Variants in PML observed in about 807,000 individuals in gnomAD.
The protein encoded by PML is protein PML.
Under a neutral mutation model 65.2 loss-of-function variants are expected in PML, and 28 were observed. The ratio of observed to expected loss-of-function variants is 0.43; its 90% CI spans 0.32 to 0.59. PML has a LOEUF of 0.59. PML is among the 20% of genes least tolerant of loss of function. PML has a pLI of 0.08. For missense variants in PML, 1,021 were observed against 1,203.4 expected, an observed-to-expected ratio of 0.85 and a Z score of 2.24; for synonymous variants, 500 against 508.8, an observed-to-expected ratio of 0.98 and a Z score of 0.23.
intron 3 of PML, among the ~76,000 whole-genome samples, chr15:74,024,432 G>A (rs1254424401): frequency 6.6e-6 from 1 of 152,154 alleles, no homozygotes; most frequent in African/African-American, 2.4e-5. Flanking sequence ...GCAGAGAGAA[G>A]GGTTATTTTA....
chr15:74,012,024 G>A (rs2070356122), intron 2 of PML, among the ~76,000 whole-genome samples: 1 of 152,194 alleles, frequency 6.6e-6, no homozygotes, highest in Admixed American at 6.5e-5. Flanking sequence ...TTTAAGCAAT[G>A]TTGAACTTAA....
At chr15:74,001,306 T>C (rs1244685144) in intron 2 of PML, among the ~76,000 whole-genome samples, 1 of 152,052 alleles carries the variant, frequency 6.6e-6, no homozygotes, top group East Asian at 1.9e-4. Context: ...CTTCTTGAAC[T>C]TATAATTCAT....
At chr15:73,995,594 T>C (rs780446302) in intron 1 of PML, among the ~76,000 whole-genome samples, 89 of 152,374 alleles carry the variant, frequency 5.8e-4, no homozygotes, top group Middle Eastern at 3.4e-3. Flanking sequence ...GAGGACACCG[T>C]ATTACAGTAA....
At chr15:74,032,809 C>T in intron 5 of PML, 94 bp downstream of exon 5, 1 of 1,275,502 alleles carries the variant, frequency 7.8e-7, no homozygotes, top group South Asian at 1.2e-5. Flanking sequence ...AGGCCTTCAT[C>T]AGATCAGCTC....
In PML at chr15:74,033,740, G is replaced by C. The variant is rs116089630; in HGVS notation, c.1657+326G>C. 5.6e-4 allele frequency: 340 copies of C among 608,448 alleles called. No homozygotes were observed. The African/African-American group carries it at 5.9e-3, about 11-fold the overall frequency. 37.7% of individuals were successfully genotyped at this position (608,448 alleles called of 1,614,324 possible). ...GGCTGATGCCTAGCATACTCCCAGA[G>C]AGGGCTTGGGCATACCATAACAGGA... On this transcript the variant is annotated intron_variant, in intron 6 of 8. Transcript: ENST00000268058.
intron 4 of PML, among the ~76,000 whole-genome samples, chr15:74,029,160 A>G (rs1192659450): frequency 6.6e-6 from 1 of 152,122 alleles, no homozygotes; most frequent in Non-Finnish European, 1.5e-5. Flanking sequence ...CAGCCTCACC[A>G]ACATTTGTTA....
At chr15:74,000,662 A>T (rs1380614152) in intron 2 of PML, among the ~76,000 whole-genome samples, 1 of 152,206 alleles carries the variant, frequency 6.6e-6, no homozygotes, top group Non-Finnish European at 1.5e-5. Flanking sequence ...AATACAATGT[A>T]AATGCTATGT....
intron 2 of PML, among the ~76,000 whole-genome samples, chr15:74,019,460 A>G (rs1404645769): frequency 6.6e-6 from 1 of 152,252 alleles, no homozygotes; most frequent in Non-Finnish European, 1.5e-5. Flanking sequence ...AAAAAAAGGA[A>G]TACATTCATA....
intron 4 of PML, chr15:74,026,636 T>TA (rs1408725689): frequency 6.6e-6 from 1 of 152,188 alleles, no homozygotes; most frequent in African/African-American, 2.4e-5. Flanking sequence ...CCCCAGTTCT[T>TA]ATGCCCATAT....
At position 74,043,892 on chromosome 15, in the gene PML, CTAGTATAGGTGGCT is replaced by C. The variant is rs1303884489; in HGVS notation, c.1862-328_1862-315del. On this transcript the variant is annotated intron_variant, in intron 8 of 8. Transcript: ENST00000268058. This position sits in a 1 kb window ranked among gnomAD's most constrained non-coding sequence, Gnocchi z 4.3. ...GCTAAGTTCAAGCAGCCTGGGATCT[CTAGTATAGGTGGCT>C]GAGGCTGATAGAAGACAGGAGGGAC... 2 of 515,342 alleles carry C rather than the reference CTAGTATAGGTGGCT, an allele frequency of 3.9e-6. No homozygotes were observed. The highest frequency in any genetic ancestry group is 3.8e-5 in the African/African-American group (2 of 52,426). 31.9% of individuals were successfully genotyped at this position (515,342 alleles called of 1,614,324 possible).
chr15:74,036,931 T>G, intron 7 of PML: 1 of 985,370 alleles, frequency 1.0e-6, no homozygotes, highest in Non-Finnish European at 1.2e-6. Flanking sequence ...GAGCTCTCAG[T>G]CCTACCTTCG....
chr15:74,001,447 C>G (rs2141722113), intron 2 of PML, among the ~76,000 whole-genome samples: 1 of 151,966 alleles, frequency 6.6e-6, no homozygotes, highest in East Asian at 1.9e-4. Flanking sequence ...TCAAGTGATT[C>G]TCCTGCCTCA....
intron 6 of PML, chr15:74,033,775 C>T: frequency 1.7e-6 from 1 of 586,346 alleles, no homozygotes; most frequent in Admixed American, 2.9e-5. Context: ...AAACTGGACT[C>T]CCCATGACCT....
Position 74,023,356 on chromosome 15 carries a change from C to T in PML, c.1131C>T (p.Asp377=), listed in dbSNP as rs377747936. ...LQAAVRTDGF[D]EFKVRLQDLS... ...CTGCCGTGCGCACCGATGGCTTCGA[C>T]GAGTTCAAGGTGCGCCTGCAGGACC... is the stretch of plus-strand genomic sequence containing the variant. The change falls in exon 3 of 9, where the codon GAC becomes GAT. Residue 377 remains aspartate (D), a synonymous_variant. Coordinates refer to ENST00000268058, the MANE Select transcript of PML (RefSeq NM_033238.3). The T allele has an allele frequency of 3.5e-5, 56 of 1,602,038 alleles. No homozygotes were observed. In the East Asian group the frequency reaches 1.2e-3, roughly 34 times the overall value.
chr15:74,005,511 C>T (rs2070000562), intron 2 of PML, among the ~76,000 whole-genome samples: 1 of 151,828 alleles, frequency 6.6e-6, no homozygotes, highest in Admixed American at 6.6e-5. Context: ...TCTAACTCGC[C>T]AGCTCATCTT....
Position 74,035,362 on chromosome 15 carries a change from C to G in PML, c.1710+832C>G. 6.2e-7 allele frequency: 1 copy of G among 1,612,164 alleles called. No individual in the cohort carries two copies. The highest frequency in any genetic ancestry group is 1.3e-5 in the African/African-American group (1 of 75,036). ...CAGCCCGCTGAGCAGGCTGCCACCC[C>G]CGATGCTGAGCCTCACAGCGAGCCT... is the stretch of plus-strand genomic sequence containing the variant. On this transcript the variant is annotated intron_variant, in intron 7 of 8. Coordinates refer to ENST00000268058, the MANE Select transcript of PML (RefSeq NM_033238.3). The surrounding 1 kb of genome is among the most constrained non-coding windows in gnomAD (Gnocchi z 4.1).
intron 4 of PML, among the ~76,000 whole-genome samples, chr15:74,031,103 A>C (rs2071302139): frequency 6.6e-6 from 1 of 151,396 alleles, no homozygotes; most frequent in South Asian, 2.1e-4. Context: ...TTATGCCCCC[A>C]AAAGGAAACC....
chr15:74,032,323 G>A, intron 4 of PML: 1 of 548,612 alleles, frequency 1.8e-6, no homozygotes, highest in Non-Finnish European at 3.3e-6. Context: ...CTCAAGCCCA[G>A]GAGTTCAAGA....
At chr15:74,021,738 A>G (rs941065519) in intron 2 of PML, among the ~76,000 whole-genome samples, 26 of 149,752 alleles carry the variant, frequency 1.7e-4, no homozygotes, top group Non-Finnish European at 7.4e-5. Context: ...GCACCAAAAG[A>G]AAAAAAAAAG....
Sources: allele counts gnomAD v4.1 joint callset (sites outside exome capture counted in the v4.1 genomes callset), GRCh38; gene constraint gnomAD v4.1.1; non-coding constraint Gnocchi (gnomAD v3.1); transcripts MANE v1.5; gene names NCBI Gene and HGNC (gene_info 2026-07-23, HGNC 2026-07-21).